The following TMPRSS15 variants were observed in gnomAD, a reference collection of about 807,000 sequenced individuals.
The protein encoded by TMPRSS15 is transmembrane serine protease 15, also known as enteropeptidase.
A neutral mutation model predicts 125.3 loss-of-function variants in TMPRSS15; 128 were observed. That is an observed-to-expected ratio of 1.02 (90% CI 0.89 to 1.18). The LOEUF is 1.18. Among genes scored for constraint, TMPRSS15 ranks in the 50% most tolerant of loss-of-function variants. The pLI is 0.00. For synonymous variants in TMPRSS15, 446 were observed against 423.2 expected (o/e 1.05, Z -0.66); for missense variants, 1,283 against 1,212.7 (o/e 1.06, Z -0.86).
chr21:18,452,519 A>G (rs1263689037), intron 1 of TMPRSS15, among the ~76,000 whole-genome samples: 1 of 152,060 alleles, frequency 6.6e-6, no homozygotes, highest in Non-Finnish European at 1.5e-5. Flanking sequence ...AAAAAATAAT[A>G]TCCGGGCATG....
intron 21 of TMPRSS15, among the ~76,000 whole-genome samples, chr21:18,285,530 C>G (rs146745790): frequency 2.0e-5 from 3 of 152,222 alleles, no homozygotes; most frequent in Admixed American, 1.3e-4. Context: ...CATTTTTGGT[C>G]TCTATTTTTA....
rs564137925 is a variant in TMPRSS15, at chr21:18,476,339, A to AT, written c.10+9459dup. Among the ~76,000 whole-genome samples the AT allele has an allele frequency of 1.4e-4, 22 of 152,166 alleles. No individual in the cohort carries two copies. In the South Asian group the frequency reaches 2.1e-3, roughly 14 times the overall value. ...TTATGACCTCAAATTGCAACCCTAGATTTTTTCCCTTATTGAAATATTTTT... is the reference window on the plus strand; with the variant it reads ...TTATGACCTCAAATTGCAACCCTAGATTTTTTTCCCTTATTGAAATATTTTT... On this transcript the variant is annotated intron_variant, in intron 1 of 7. Transcript: ENST00000422787.
At chr21:18,394,051 T>C (rs1221903833) in intron 3 of TMPRSS15, among the ~76,000 whole-genome samples, 1 of 152,184 alleles carries the variant, frequency 6.6e-6, no homozygotes, top group Non-Finnish European at 1.5e-5. Context: ...TTTAACTCTA[T>C]GTTGACAGGA....
intron 17 of TMPRSS15, among the ~76,000 whole-genome samples, chr21:18,314,050 A>G (rs772430722): frequency 6.6e-6 from 1 of 152,194 alleles, no homozygotes; most frequent in Non-Finnish European, 1.5e-5. Flanking sequence ...TCAAGGGAGG[A>G]AAACATCAGT....
At chr21:18,455,100 G>GT (rs574491475) in intron 1 of TMPRSS15, among the ~76,000 whole-genome samples, 4 of 152,096 alleles carry the variant, frequency 2.6e-5, no homozygotes, top group African/African-American at 7.2e-5. Context: ...TTTTATAAGG[G>GT]TTTTTTTCCT....
In TMPRSS15 at chr21:18,275,282, C is replaced by A; in HGVS notation, c.2819G>T (p.Arg940Ile). The change falls in exon 24 of 25, where the codon AGA (arginine) becomes ATA (isoleucine). Residue 940 changes from arginine (R) to isoleucine (I), a missense_variant. By Grantham distance (97) the Arg-to-Ile change is moderately conservative. Transcript: ENST00000284885. ...EADVPLLSNE[R>I]CQQQMPEYNI... Reference sequence around the variant, plus strand: ...ATATTCTGGCATCTGCTGTTGGCATCTCTCATTTGATAGAAGAGGAACATC... The same window carrying A: ...ATATTCTGGCATCTGCTGTTGGCATATCTCATTTGATAGAAGAGGAACATC... 1 of 1,614,080 alleles carries A rather than the reference C, an allele frequency of 6.2e-7. No individual in the cohort carries two copies. The highest frequency in any genetic ancestry group is 1.1e-5 in the South Asian group (1 of 91,070).
At chr21:18,481,446 A>G (rs1360324960) in intron 1 of TMPRSS15, among the ~76,000 whole-genome samples, 1 of 151,858 alleles carries the variant, frequency 6.6e-6, no homozygotes, top group Non-Finnish European at 1.5e-5. Flanking sequence ...TATGTTACAC[A>G]TAATTTTCAG....
rs994995893 is a variant in TMPRSS15 at position 18,316,764 on chromosome 21, C to T, written c.1922-1508G>A. Among the ~76,000 whole-genome samples, 34 of 152,186 alleles carry T rather than the reference C, an allele frequency of 2.2e-4. 1 individual carries two copies. The highest frequency in any genetic ancestry group is 1.2e-3 in the Admixed American group (18 of 15,290). On this transcript the variant is annotated intron_variant, in intron 16 of 24. Coordinates refer to ENST00000284885, the MANE Select transcript of TMPRSS15 (RefSeq NM_002772.3). ...GCTACTGCTGTTTCCTGAGATTGTTCGGTCTTTAAAAGTTTTGTTCTGGGA... is the reference window on the plus strand; with the variant it reads ...GCTACTGCTGTTTCCTGAGATTGTTTGGTCTTTAAAAGTTTTGTTCTGGGA...
chr21:18,283,869 A>G (rs188559914), intron 21 of TMPRSS15, among the ~76,000 whole-genome samples: 100 of 152,316 alleles, frequency 6.6e-4, no homozygotes, highest in African/African-American at 2.2e-3. Flanking sequence ...AATCACTGAT[A>G]TGAGAGAGCT....
intron 7 of TMPRSS15, among the ~76,000 whole-genome samples, chr21:18,361,823 A>G (rs1240953808): frequency 1.3e-5 from 2 of 151,954 alleles, no homozygotes; most frequent in African/African-American, 4.8e-5. Flanking sequence ...AGAAACTCAG[A>G]TTTTTGGACC....
intron 3 of TMPRSS15, among the ~76,000 whole-genome samples, chr21:18,396,713 G>T (rs2076040705): frequency 6.7e-6 from 1 of 150,298 alleles, no homozygotes; most frequent in South Asian, 2.1e-4. Context: ...GGTGGAGCTT[G>T]CAGTGAGCTG....
At chr21:18,414,021 T>C (rs2076174169) in intron 1 of TMPRSS15, among the ~76,000 whole-genome samples, 1 of 152,250 alleles carries the variant, frequency 6.6e-6, no homozygotes, top group Non-Finnish European at 1.5e-5. Context: ...TTTAATGACA[T>C]GCTTTTTCTT....
At chr21:18,276,399 C>G (rs1271075235) in intron 23 of TMPRSS15, among the ~76,000 whole-genome samples, 1 of 152,108 alleles carries the variant, frequency 6.6e-6, no homozygotes, top group African/African-American at 2.4e-5. Context: ...GTAAACATTA[C>G]TAGATAACTT....
chr21:18,439,586 T>C (rs1279573958), intron 1 of TMPRSS15, among the ~76,000 whole-genome samples: 1 of 152,178 alleles, frequency 6.6e-6, no homozygotes, highest in Non-Finnish European at 1.5e-5. Flanking sequence ...GCATTGGTCA[T>C]CGTGTTTTAT....
At chr21:18,326,915 G>C (rs556135284) in intron 15 of TMPRSS15, among the ~76,000 whole-genome samples, 2 of 152,118 alleles carry the variant, frequency 1.3e-5, no homozygotes, top group South Asian at 2.1e-4. Context: ...TAAAACAATG[G>C]AGTTTATAGT....
chr21:18,320,734 T>C (rs1458075239), intron 16 of TMPRSS15, among the ~76,000 whole-genome samples: 1 of 152,180 alleles, frequency 6.6e-6, no homozygotes, highest in Non-Finnish European at 1.5e-5. Context: ...CTGAGAAGTA[T>C]AAATAAGCTC....
chr21:18,407,453 T>C (rs937683971), upstream of TMPRSS15, among the ~76,000 whole-genome samples: 13 of 72,358 alleles, frequency 1.8e-4, no homozygotes, highest in East Asian at 9.5e-4. Flanking sequence ...CTTTTCTTTT[T>C]TTTTTTTTTT....
chr21:18,307,468 A>G (rs932687107), intron 18 of TMPRSS15, among the ~76,000 whole-genome samples: 1 of 152,156 alleles, frequency 6.6e-6, no homozygotes, highest in Non-Finnish European at 1.5e-5. Flanking sequence ...AGCTCAGGCC[A>G]TTTTCTAGAA....
chr21:18,454,844 C>T (rs925450805), intron 1 of TMPRSS15, among the ~76,000 whole-genome samples: 1 of 152,170 alleles, frequency 6.6e-6, no homozygotes, highest in Non-Finnish European at 1.5e-5. Flanking sequence ...CTCACAGACA[C>T]ATCCCAAAAT....
Sources: allele counts gnomAD v4.1 joint callset (sites outside exome capture counted in the v4.1 genomes callset), GRCh38; gene constraint gnomAD v4.1.1; transcripts MANE v1.5; gene names NCBI Gene and HGNC (gene_info 2026-07-23, HGNC 2026-07-21).